SIDT1: variants seen among roughly 807,000 people sequenced by gnomAD.
SIDT1 encodes the protein SID1 transmembrane family, member 1.
A neutral mutation model predicts 107.5 loss-of-function variants in SIDT1; 101 were observed. That is an observed-to-expected ratio of 0.94 (90% CI 0.80 to 1.11). SIDT1 has a LOEUF of 1.11. Ranked by LOEUF, SIDT1 falls within the 50% of genes least tolerant of loss-of-function variation. The pLI is 0.00. For missense variants in SIDT1, 1,076 were observed against 1,058.2 expected, an observed-to-expected ratio of 1.02 and a Z score of -0.23; for synonymous variants, 395 against 398.2, an observed-to-expected ratio of 0.99 and a Z score of 0.10.
In SIDT1 at chr3:113,593,471, G is replaced by A. The variant is rs145913643; in HGVS notation, c.1045+423G>A. On this transcript the variant is annotated intron_variant, in intron 10 of 24. Transcript: ENST00000264852. ...AATGCCATAACCCATCCCCACCCCC[G>A]TCTGTGGAAAAATTGTCTTTCATGA... 5.2e-3 allele frequency among the ~76,000 whole-genome samples: 799 copies of A among 152,202 alleles called. 6 individuals carry two copies. The highest frequency in any genetic ancestry group is 0.019 in the African/African-American group (771 of 41,530).
chr3:113,542,042 G>A (rs1938961041), intron 1 of SIDT1, among the ~76,000 whole-genome samples: 1 of 150,926 alleles, frequency 6.6e-6, no homozygotes, highest in Non-Finnish European at 1.5e-5. Context: ...ACCTGCCTCA[G>A]CCTCCCCAGT....
chr3:113,598,196 C>T (rs1944710570), intron 10 of SIDT1, among the ~76,000 whole-genome samples: 1 of 152,204 alleles, frequency 6.6e-6, no homozygotes, highest in South Asian at 2.1e-4. Flanking sequence ...AAAACCAGAT[C>T]ATGCTCAGTG....
At chr3:113,616,929 C>T (rs2107771490) in intron 20 of SIDT1, among the ~76,000 whole-genome samples, 1 of 152,244 alleles carries the variant, frequency 6.6e-6, no homozygotes, top group Admixed American at 6.5e-5. Context: ...CTCAGGTGAT[C>T]CGCCCACCTT....
At chr3:113,561,032 G>C (rs1186066495) in intron 1 of SIDT1, among the ~76,000 whole-genome samples, 1 of 152,144 alleles carries the variant, frequency 6.6e-6, no homozygotes, top group Non-Finnish European at 1.5e-5. Context: ...TGTTCTTGTT[G>C]TCATGACAAC....
intron 3 of SIDT1, among the ~76,000 whole-genome samples, chr3:113,572,118 G>A (rs1942514793): frequency 6.6e-6 from 1 of 152,138 alleles, no homozygotes; most frequent in Non-Finnish European, 1.5e-5. Context: ...TTAGATATGA[G>A]GGGAAAAAGA....
At chr3:113,550,590 T>C (rs1399461164) in intron 1 of SIDT1, among the ~76,000 whole-genome samples, 5 of 152,222 alleles carry the variant, frequency 3.3e-5, no homozygotes, top group African/African-American at 9.6e-5. Context: ...AGAAATATAA[T>C]TGGGCTTGCA....
chr3:113,535,679 G>A (rs1938070636), intron 1 of SIDT1, among the ~76,000 whole-genome samples: 3 of 152,182 alleles, frequency 2.0e-5, no homozygotes, highest in African/African-American at 7.2e-5. Context: ...CATGGGAACA[G>A]GAGATAACAA....
chr3:113,632,035 T>TTAG (rs1947098612), downstream of SIDT1, among the ~76,000 whole-genome samples: 1 of 152,226 alleles, frequency 6.6e-6, no homozygotes, highest in South Asian at 2.1e-4. Context: ...TTTTATTCAT[T>TTAG]TCACTGGAGA....
downstream of SIDT1, among the ~76,000 whole-genome samples, chr3:113,630,418 G>A (rs1045239628): frequency 9.9e-5 from 15 of 152,260 alleles, no homozygotes; most frequent in Admixed American, 9.8e-4. Context: ...TCTATCTGGG[G>A]AAGGGACTTT....
chr3:113,634,203 G>A (rs1947109896), downstream of SIDT1, among the ~76,000 whole-genome samples: 1 of 152,186 alleles, frequency 6.6e-6, no homozygotes, highest in Non-Finnish European at 1.5e-5. Flanking sequence ...CTCTTCCTAA[G>A]AGGTTGCAAC....
intron 17 of SIDT1, among the ~76,000 whole-genome samples, chr3:113,609,860 A>T (rs1378109828): frequency 6.6e-6 from 1 of 152,236 alleles, no homozygotes; most frequent in Admixed American, 6.5e-5. Context: ...AAGCACTGTG[A>T]TAAAGTTGAG....
At chr3:113,539,117 A>G (rs75363704) in intron 1 of SIDT1, among the ~76,000 whole-genome samples, 4,300 of 152,304 alleles carry the variant, frequency 0.028, 109 homozygotes, top group East Asian at 0.096. Flanking sequence ...AATGAAATAA[A>G]TGCTTTATTT....
chr3:113,601,711 T>C (rs1355625473), intron 11 of SIDT1, 52 bp downstream of exon 11: 2 of 1,354,428 alleles, frequency 1.5e-6, no homozygotes, highest in Admixed American at 1.9e-5. Flanking sequence ...CTGCAGAGAA[T>C]ATGATAGAAA....
chr3:113,565,732 A>G (rs1410968566), intron 1 of SIDT1, among the ~76,000 whole-genome samples: 2 of 152,172 alleles, frequency 1.3e-5, no homozygotes, highest in Non-Finnish European at 2.9e-5. Context: ...AGGGAAAGAG[A>G]AGATTACTCA....
Position 113,566,494 on chromosome 3 carries a change from G to T in SIDT1, c.297G>T (p.Gln99His). The stretch of plus-strand genomic sequence containing the variant: ...ACCCGGTCCTTGTTGTGGTTCGCCA[G>T]CAGAAAGAGGTGCTGTCCTGGCAGG... The part of the protein sequence containing the change: ...LNYPVLVVVR[Q>H]QKEVLSWQVP... Residue 99 changes from glutamine to histidine, a missense_variant, in exon 2 of 25, where the codon CAG becomes CAT. By Grantham distance (24) the Gln-to-His change is conservative (BLOSUM62 0). Coordinates refer to ENST00000264852, the MANE Select transcript of SIDT1 (RefSeq NM_017699.3). The T allele has an allele frequency of 6.2e-7, 1 of 1,614,166 alleles. No individual in the cohort carries two copies.
Position 113,580,797 on chromosome 3 carries a change from CT to C in SIDT1, c.663+89del, listed in dbSNP as rs1336246699. ...AAGAGAAGGGTGGAAGCATGCCATC[CT>C]CTTACTGTGTATCTCCCTTCCAAAA... On this transcript the variant is annotated intron_variant, in intron 5 of 24. Coordinates refer to ENST00000264852, the MANE Select transcript of SIDT1 (RefSeq NM_017699.3). The C allele has an allele frequency of 5.9e-6, 5 of 846,616 alleles. No homozygotes were observed. The African/African-American group carries it at 8.4e-5, about 14-fold the overall frequency. 52.4% of individuals were successfully genotyped at this position (846,616 alleles called of 1,614,324 possible).
At chr3:113,538,607 C>G (rs747708208) in intron 1 of SIDT1, among the ~76,000 whole-genome samples, 1 of 152,222 alleles carries the variant, frequency 6.6e-6, no homozygotes, top group East Asian at 1.9e-4. Flanking sequence ...TTAACTATAT[C>G]TGTTTCTCTT....
chr3:113,576,380 A>G (rs970400658), intron 3 of SIDT1, among the ~76,000 whole-genome samples: 2 of 152,178 alleles, frequency 1.3e-5, no homozygotes. Context: ...GTGGCAGGCA[A>G]TCGGGGAGCT....
intron 17 of SIDT1, among the ~76,000 whole-genome samples, chr3:113,609,846 A>ATT: frequency 6.6e-6 from 1 of 152,354 alleles, no homozygotes; most frequent in Middle Eastern, 3.4e-3. Flanking sequence ...CTTTTTAAAG[A>ATT]ATAAAGCACT....
Sources: gnomAD v4.1 joint callset for allele counts (sites outside exome capture counted in the v4.1 genomes callset) on GRCh38, gnomAD v4.1.1 for gene constraint, MANE v1.5 for transcripts, NCBI Gene and HGNC (gene_info 2026-07-23, HGNC 2026-07-21) for gene names.